Variants in CCDC30 observed in about 807,000 individuals in gnomAD.
CCDC30 encodes coiled-coil domain-containing protein 30.
Under a neutral mutation model 100.2 loss-of-function variants are expected in CCDC30, and 70 were observed. That is an observed-to-expected ratio of 0.70 (90% confidence interval 0.58 to 0.85). The LOEUF is 0.85. Among genes scored for constraint, CCDC30 ranks in the 40% least tolerant of loss-of-function variants. The pLI, the probability that CCDC30 is intolerant of heterozygous loss-of-function variation, is 0.00. For synonymous variants in CCDC30, 233 were observed against 269.5 expected (o/e 0.86, Z 1.33); for missense variants, 652 against 771.2 (o/e 0.85, Z 1.83).
intron 12 of CCDC30, among the ~76,000 whole-genome samples, chr1:42,638,639 C>T (rs1247328117): frequency 2.6e-5 from 4 of 151,552 alleles, no homozygotes; most frequent in Middle Eastern, 3.5e-3. Flanking sequence ...TTTGGGAGGC[C>T]GAGGTGGGCA....
chr1:42,478,391 C>G (rs1345338460), intron 1 of CCDC30, among the ~76,000 whole-genome samples: 1 of 152,174 alleles, frequency 6.6e-6, no homozygotes, highest in Non-Finnish European at 1.5e-5. Flanking sequence ...TGGGTGAAAT[C>G]TTGGATGACT....
At chr1:42,612,679 C>T (rs1646648021) in intron 11 of CCDC30, among the ~76,000 whole-genome samples, 1 of 152,164 alleles carries the variant, frequency 6.6e-6, no homozygotes, top group Non-Finnish European at 1.5e-5. Context: ...TGCTGATAAA[C>T]TGGTACAAAC....
intron 11 of CCDC30, among the ~76,000 whole-genome samples, chr1:42,618,515 C>G (rs1381124639): frequency 2.0e-5 from 3 of 152,088 alleles, no homozygotes; most frequent in African/African-American, 7.2e-5. Context: ...GGATTACAAG[C>G]GTGAGCCATC....
At chr1:42,456,500 G>A in the CCDC30 span, 7 of 1,419,640 alleles carry the variant, frequency 4.9e-6, no homozygotes, top group African/African-American at 7.4e-5. Context: ...CGTACACCAG[G>A]TAGGCGAGAA....
intron 6 of CCDC30, among the ~76,000 whole-genome samples, chr1:42,535,836 A>C (rs1644894815): frequency 6.8e-6 from 1 of 145,994 alleles, no homozygotes; most frequent in African/African-American, 2.6e-5. Context: ...TTTTGATCTC[A>C]ATTTTATCTC....
At chr1:42,592,569 T>C (rs1646207302) in intron 10 of CCDC30, 1 of 151,942 alleles carries the variant, frequency 6.6e-6, no homozygotes, top group South Asian at 2.1e-4. Flanking sequence ...AAAAATTAAT[T>C]GGATGTGTTG....
At chr1:42,624,026 C>T (rs1646887911) in intron 11 of CCDC30, among the ~76,000 whole-genome samples, 1 of 151,866 alleles carries the variant, frequency 6.6e-6, no homozygotes, top group South Asian at 2.1e-4. Flanking sequence ...ATTTCTTTTT[C>T]AGATTGTTCC....
rs16829580 is a variant in CCDC30 at position 42,473,493 on chromosome 1, A to G, written c.-91-6968A>G. The G allele has an allele frequency of 5.8e-3, 2,258 of 387,982 alleles. 44 individuals are homozygous for G. Among genetic ancestry groups the G allele is most frequent in the African/African-American group, 0.041 (1,976 of 48,436 alleles). 24.0% of individuals were successfully genotyped at this position (387,982 alleles called of 1,614,324 possible). A position where few individuals can be genotyped will look rare whatever the true frequency, so the allele number is the denominator to read the frequency against. On this transcript the variant is annotated intron_variant, in intron 1 of 16. Transcript: ENST00000668663. ...GTTGGTTTCCATTAAGACTCCATGT[A>G]TAGGATGTTGCCCAGTGATGACTGG...
chr1:42,534,864 A>G (rs1644866518), intron 6 of CCDC30: 1 of 152,208 alleles, frequency 6.6e-6, no homozygotes, highest in African/African-American at 2.4e-5. Context: ...TTAAAATGAC[A>G]TTTTGTAACT....
chr1:42,576,788 A>G (rs1299635433), intron 7 of CCDC30, among the ~76,000 whole-genome samples: 1 of 152,192 alleles, frequency 6.6e-6, no homozygotes, highest in Non-Finnish European at 1.5e-5. Context: ...TGAAGAAAGG[A>G]TGGAAAATGT....
chr1:42,476,089 A>C (rs1053080558), intron 1 of CCDC30, among the ~76,000 whole-genome samples: 5 of 152,220 alleles, frequency 3.3e-5, no homozygotes, highest in African/African-American at 1.2e-4. Context: ...GGCTGAAAAG[A>C]TAAGAGTTAC....
intron 6 of CCDC30, among the ~76,000 whole-genome samples, chr1:42,517,471 A>G (rs1353888331): frequency 6.6e-6 from 1 of 152,192 alleles, no homozygotes; most frequent in Non-Finnish European, 1.5e-5. Context: ...CTTTGATGTC[A>G]TATCCAAGAA....
chr1:42,500,922 C>T (rs1380938148), intron 6 of CCDC30, among the ~76,000 whole-genome samples: 1 of 152,030 alleles, frequency 6.6e-6, no homozygotes, highest in East Asian at 1.9e-4. Flanking sequence ...CAATACCAGT[C>T]CTTTGTTTTA....
intron 7 of CCDC30, among the ~76,000 whole-genome samples, chr1:42,573,247 C>A (rs1185202968): frequency 1.3e-5 from 2 of 152,128 alleles, no homozygotes; most frequent in African/African-American, 4.8e-5. Flanking sequence ...GAATTTAAAT[C>A]TTTGCAATAT....
chr1:42,459,709 T>C (rs1433430760), upstream of CCDC30: 6 of 1,614,198 alleles, frequency 3.7e-6, no homozygotes, highest in South Asian at 6.6e-5. Flanking sequence ...GCCATTGTAA[T>C]TAATCGAGCT....
At chr1:42,459,780 C>T, upstream of CCDC30, 1 of 1,614,140 alleles carries the variant, frequency 6.2e-7, no homozygotes, top group Non-Finnish European at 8.5e-7. Flanking sequence ...TGAGTCACGA[C>T]AGTCCTTTGT....
At chr1:42,601,289 G>T (rs911026411) in intron 10 of CCDC30, among the ~76,000 whole-genome samples, 23 of 152,180 alleles carry the variant, frequency 1.5e-4, no homozygotes, top group Admixed American at 1.5e-3. Flanking sequence ...TATATTAGAA[G>T]AGAAGAAAGA....
rs1159008864 is a variant in CCDC30, at chr1:42,546,385, C to CAA, written c.457-19897_457-19896dup. On this transcript the variant is annotated intron_variant, in intron 6 of 16. Coordinates refer to ENST00000668663, the Ensembl canonical transcript of CCDC30. ...GGGCAACAAGAGTGAAATTCTGTCT[C>CAA]AAAAAAAAAAAAAAATATATATATA... 7.6e-3 allele frequency among the ~76,000 whole-genome samples: 38 copies of CAA among 5,012 alleles called. 2 individuals carry two copies. Among genetic ancestry groups the CAA allele is most frequent in the African/African-American group, 0.021 (35 of 1,692 alleles). 3.3% of individuals were successfully genotyped at this position (5,012 alleles called of 152,430 possible).
chr1:42,646,031 C>A, intron 14 of CCDC30, 104 bp from the exon 19 acceptor site: 1 of 1,428,682 alleles, frequency 7.0e-7, no homozygotes, highest in Non-Finnish European at 9.3e-7. Context: ...TGGATCAGAA[C>A]TATAGCACAT....
Sources: allele counts gnomAD v4.1 joint callset (sites outside exome capture counted in the v4.1 genomes callset), GRCh38; gene constraint gnomAD v4.1.1; transcripts MANE v1.5; gene names NCBI Gene and HGNC (gene_info 2026-07-23, HGNC 2026-07-21).